Variants in PROM1 observed in about 807,000 individuals in gnomAD.
PROM1 encodes the protein prominin-1.
In PROM1, 105 loss-of-function variants were observed where a neutral mutation model predicts 116.9. The observed-to-expected ratio is 0.90, with a 90% CI of 0.77 to 1.06. The LOEUF (loss-of-function observed/expected upper bound fraction) is 1.06, where lower values mean the gene tolerates loss of function less well. Among genes scored for constraint, PROM1 ranks in the 50% least tolerant of loss-of-function variants. The probability of loss-of-function intolerance (pLI) is 0.00; values close to 1 mark genes in which losing one functional copy is unlikely to be tolerated. For missense variants in PROM1, 1,122 were observed against 1,045.2 expected (o/e 1.07, Z -1.01); for synonymous variants, 393 against 387.0 (o/e 1.02, Z -0.18).
chr4:16,072,807 C>T (rs539051749), intron 2 of PROM1, among the ~76,000 whole-genome samples: 1 of 152,302 alleles, frequency 6.6e-6, no homozygotes, highest in East Asian at 1.9e-4. Context: ...AGATACTTTG[C>T]AGATACTTTG....
At chr4:15,975,427 G>A (rs952568518) in intron 26 of PROM1, among the ~76,000 whole-genome samples, 2 of 152,044 alleles carry the variant, frequency 1.3e-5, no homozygotes, top group Non-Finnish European at 2.9e-5. Flanking sequence ...CACCATGTTG[G>A]CCAGGCTGGT....
At chr4:16,027,411 A>G (rs1731605206) in intron 5 of PROM1, among the ~76,000 whole-genome samples, 1 of 152,124 alleles carries the variant, frequency 6.6e-6, no homozygotes, top group Non-Finnish European at 1.5e-5. Flanking sequence ...TCACCACCTG[A>G]ACATACCTGA....
intron 24 of PROM1, 60 bp downstream of exon 24, chr4:15,980,362 C>G (rs887073099): frequency 3.6e-6 from 4 of 1,124,868 alleles, no homozygotes; most frequent in Middle Eastern, 2.0e-4. Context: ...TTTAGCAACT[C>G]TTTGAAGACA....
At chr4:16,047,975 G>A (rs970995043) in intron 2 of PROM1, among the ~76,000 whole-genome samples, 1 of 152,164 alleles carries the variant, frequency 6.6e-6, no homozygotes, top group South Asian at 2.1e-4. Flanking sequence ...CAATTCAAAG[G>A]CCTGAGTTCA....
chr4:16,046,234 A>G (rs1000243100), intron 2 of PROM1, among the ~76,000 whole-genome samples: 3 of 152,220 alleles, frequency 2.0e-5, no homozygotes, highest in Non-Finnish European at 4.4e-5. Context: ...GTGAAAATAT[A>G]AACATTTACA....
intron 2 of PROM1, among the ~76,000 whole-genome samples, chr4:16,072,863 A>T (rs1743116631): frequency 6.6e-6 from 1 of 152,148 alleles, no homozygotes; most frequent in Non-Finnish European, 1.5e-5. Flanking sequence ...AGCTGATGCC[A>T]CCCAGATAGA....
At chr4:16,063,323 C>T (rs7699024) in intron 2 of PROM1, among the ~76,000 whole-genome samples, 107,111 of 152,098 alleles carry the variant, frequency 0.7, 38,016 homozygotes, top group Non-Finnish European at 0.76. Context: ...GGAGGCTGGG[C>T]GCAGTGGCTC....
At chr4:15,977,401 C>T (rs1050190975) in intron 26 of PROM1, among the ~76,000 whole-genome samples, 11 of 152,142 alleles carry the variant, frequency 7.2e-5, no homozygotes, top group African/African-American at 2.4e-4. Context: ...ATATATAAGA[C>T]ACCCTCCAAG....
intron 14 of PROM1, among the ~76,000 whole-genome samples, chr4:15,998,712 T>G (rs1722935214): frequency 6.6e-6 from 1 of 152,118 alleles, no homozygotes; most frequent in Non-Finnish European, 1.5e-5. Flanking sequence ...AAAATTACTT[T>G]TTTTGAGAAC....
intron 24 of PROM1, 159 bp downstream of exon 24, chr4:15,980,262 GA>G (rs3841512): frequency 1.9e-5 from 11 of 580,446 alleles, no homozygotes; most frequent in Admixed American, 9.2e-5. Flanking sequence ...TCAGTACCAA[GA>G]AAAAAAAATT....
chr4:15,992,639 G>A (rs1721365658), intron 16 of PROM1, among the ~76,000 whole-genome samples: 1 of 151,962 alleles, frequency 6.6e-6, no homozygotes, highest in South Asian at 2.1e-4. Context: ...AAAATAAACA[G>A]CAATCAAACC....
chr4:16,021,796 G>A (rs574750920), intron 8 of PROM1, among the ~76,000 whole-genome samples: 1 of 152,270 alleles, frequency 6.6e-6, no homozygotes, highest in South Asian at 2.1e-4. Context: ...ACGGGCTCTT[G>A]CTAGAACGGG....
rs977785017 is a variant in PROM1 at position 15,969,098 on chromosome 4, T to A, written c.*295A>T. On this transcript the variant is annotated 3_prime_UTR_variant, in exon 28 of 28. Transcript: ENST00000447510. ...CCAATGGGAACAAACACCCCATATG[T>A]TGTAGTGTCTAAATAGAAACTCAGT... 1 of 152,218 alleles carries A rather than the reference T, an allele frequency of 6.6e-6. No individual in the cohort carries two copies. The highest frequency in any genetic ancestry group is 1.5e-5 in the Non-Finnish European group (1 of 68,032). 9.4% of individuals were successfully genotyped at this position (152,218 alleles called of 1,614,324 possible).
chr4:15,969,830 G>C (rs1486883643), intron 27 of PROM1, among the ~76,000 whole-genome samples: 2 of 152,086 alleles, frequency 1.3e-5, no homozygotes, highest in Non-Finnish European at 1.5e-5. Context: ...GCCCACCTCA[G>C]CTTCCCAAAG....
At chr4:15,990,082 C>T (rs558949726) in intron 18 of PROM1, among the ~76,000 whole-genome samples, 17 of 152,304 alleles carry the variant, frequency 1.1e-4, no homozygotes, top group African/African-American at 4.1e-4. Flanking sequence ...CTCCACCTCA[C>T]CATGATACAG....
chr4:15,974,705 A>C (rs991653377), intron 26 of PROM1, among the ~76,000 whole-genome samples: 2 of 152,192 alleles, frequency 1.3e-5, no homozygotes, highest in Admixed American at 6.5e-5. Context: ...TCCTGGGCTC[A>C]AGTGATCCTC....
chr4:16,071,732 T>C (rs1421497413), intron 2 of PROM1, among the ~76,000 whole-genome samples: 1 of 152,114 alleles, frequency 6.6e-6, no homozygotes, highest in Non-Finnish European at 1.5e-5. Context: ...ATCTTAGACA[T>C]CCCAGCCTCC....
chr4:16,069,517 T>C (rs1314091820), intron 2 of PROM1, among the ~76,000 whole-genome samples: 2 of 152,118 alleles, frequency 1.3e-5, no homozygotes, highest in African/African-American at 4.8e-5. Flanking sequence ...CATAGTAAAA[T>C]AAAAGAAAAA....
At chr4:15,980,681 T>C (rs906321716) in intron 23 of PROM1, 144 bp from the exon 24 acceptor site, 27 of 642,704 alleles carry the variant, frequency 4.2e-5, no homozygotes, top group Admixed American at 3.7e-4. Flanking sequence ...AATTTGAGAA[T>C]GTCATGTGGA....
Sources: gnomAD v4.1 joint callset for allele counts (sites outside exome capture counted in the v4.1 genomes callset) on GRCh38, gnomAD v4.1.1 for gene constraint, MANE v1.5 for transcripts, NCBI Gene and HGNC (gene_info 2026-07-23, HGNC 2026-07-21) for gene names.